The following BRWD1 variants were observed in gnomAD, a reference collection of about 807,000 sequenced individuals.
BRWD1 encodes the protein bromodomain and WD repeat-containing protein 1.
BRWD1 carries 82 observed loss-of-function variants against 251.2 expected under a neutral mutation model. The ratio of observed to expected loss-of-function variants is 0.33; its 90% CI spans 0.27 to 0.39. BRWD1 has a LOEUF of 0.39. BRWD1 is among the 10% of genes least tolerant of loss of function. The probability of loss-of-function intolerance (pLI) is 1.00; values close to 1 mark genes in which losing one functional copy is unlikely to be tolerated. For synonymous variants in BRWD1, 918 were observed against 902.8 expected, an observed-to-expected ratio of 1.02 and a Z score of -0.30; for missense variants, 2,233 against 2,711.6, an observed-to-expected ratio of 0.82 and a Z score of 3.92.
chr21:39,260,366 G>A (rs74622552), intron 17 of BRWD1, among the ~76,000 whole-genome samples: 1 of 152,126 alleles, frequency 6.6e-6, no homozygotes, highest in Admixed American at 6.5e-5. Flanking sequence ...GAACTCCTGA[G>A]CTCAAGCAAT....
intron 17 of BRWD1, among the ~76,000 whole-genome samples, chr21:39,259,689 T>G (rs983032285): frequency 6.6e-6 from 1 of 151,954 alleles, no homozygotes; most frequent in South Asian, 2.1e-4. Flanking sequence ...AAAAAAAAAT[T>G]AGCCGGGCCT....
intron 35 of BRWD1, 29 bp downstream of exon 35, chr21:39,210,757 C>T (rs370192755): frequency 5.7e-6 from 9 of 1,574,814 alleles, no homozygotes; most frequent in East Asian, 2.3e-5. Flanking sequence ...ACAAGAAAAG[C>T]CCCAAACATT....
intron 2 of BRWD1, 52 bp downstream of exon 2, chr21:39,313,189 G>A (rs1280888456): frequency 3.3e-6 from 5 of 1,510,406 alleles, no homozygotes; most frequent in Non-Finnish European, 4.4e-6. Context: ...ACCCCCGGCG[G>A]CGGGGACACT....
At chr21:39,295,599 A>T in intron 7 of BRWD1, 144 bp downstream of exon 7, 1 of 520,004 alleles carries the variant, frequency 1.9e-6, no homozygotes. Flanking sequence ...ACTTATTAAA[A>T]ATACAAATTC....
intron 20 of BRWD1, among the ~76,000 whole-genome samples, chr21:39,248,687 G>T (rs552951175): frequency 1.7e-4 from 25 of 144,396 alleles, no homozygotes; most frequent in Admixed American, 1.6e-3. Flanking sequence ...AAAAACACTG[G>T]GGGGTGGAGG....
chr21:39,257,930 T>G lies in BRWD1; in HGVS notation c.2071+557A>C, dbSNP rs1407525478. Among the ~76,000 whole-genome samples, 3 of 152,292 alleles carry G rather than the reference T, an allele frequency of 2.0e-5. No homozygotes were observed. The East Asian group carries it at 5.8e-4, about 29-fold the overall frequency. ...CTTTCCAAAATAAAAAAACAAAGTC[T>G]TATGCTGTAAGTTTAAGAGAAAAAA... is the stretch of plus-strand genomic sequence containing the variant. On this transcript the variant is annotated intron_variant, in intron 18 of 40. Coordinates refer to ENST00000342449, the MANE Select transcript of BRWD1 (RefSeq NM_033656.4).
At chr21:39,234,755 G>A (rs1398040611) in intron 23 of BRWD1, among the ~76,000 whole-genome samples, 1 of 152,138 alleles carries the variant, frequency 6.6e-6, no homozygotes, top group East Asian at 1.9e-4. Flanking sequence ...ATTTCAGAAG[G>A]TGTTTAAAAT....
chr21:39,276,887 C>T (rs981798353), intron 11 of BRWD1, among the ~76,000 whole-genome samples: 1 of 152,082 alleles, frequency 6.6e-6, no homozygotes, highest in African/African-American at 2.4e-5. Context: ...CAGTGACATA[C>T]CTCCCCTTTA....
intron 4 of BRWD1, among the ~76,000 whole-genome samples, chr21:39,309,894 G>A (rs2036421247): frequency 1.3e-5 from 2 of 151,592 alleles, no homozygotes; most frequent in South Asian, 4.2e-4. Flanking sequence ...TGTGATATTG[G>A]CACTTGATGA....
chr21:39,282,469 A>C (rs1015987186), intron 8 of BRWD1, among the ~76,000 whole-genome samples: 2 of 152,226 alleles, frequency 1.3e-5, no homozygotes, highest in Non-Finnish European at 2.9e-5. Context: ...AAGTAGTATA[A>C]TTAAAGTTAT....
At chr21:39,288,945 T>A (rs1233439677) in intron 8 of BRWD1, among the ~76,000 whole-genome samples, 1 of 152,136 alleles carries the variant, frequency 6.6e-6, no homozygotes, top group East Asian at 1.9e-4. Flanking sequence ...TGTTCAAGGG[T>A]CAACTATACA....
chr21:39,232,507 G>C lies in BRWD1; in HGVS notation c.2767-9C>G. 6.3e-7 allele frequency: 1 copy of C among 1,582,268 alleles called. No individual in the cohort carries two copies. The highest frequency in any genetic ancestry group is 8.5e-7 in the Non-Finnish European group (1 of 1,172,730). On this transcript the variant is annotated splice_polypyrimidine_tract_variant and intron_variant, in intron 23 of 40. Coordinates refer to ENST00000342449, the MANE Select transcript of BRWD1 (RefSeq NM_033656.4). ...GTCATCCTCCGCAAATTCTACCAAG[G>C]GGAAGAGAACAAAGTTTCTTAGATT... is the stretch of plus-strand genomic sequence containing the variant.
At chr21:39,281,199 T>C (rs902928884) in intron 8 of BRWD1, among the ~76,000 whole-genome samples, 7 of 152,164 alleles carry the variant, frequency 4.6e-5, no homozygotes, top group Non-Finnish European at 5.9e-5. Context: ...GTAACTGTAC[T>C]TTTCAAGTAA....
Position 39,238,625 on chromosome 21 carries a change from A to T in BRWD1, c.2482-52T>A, listed in dbSNP as rs1026610494. On this transcript the variant is annotated intron_variant, in intron 21 of 40. Coordinates refer to ENST00000342449, the MANE Select transcript of BRWD1 (RefSeq NM_033656.4). ...CTTGATCCCTGAAGTTAAACAACACATGTCCAGAAAAAAGCTGTACACAAT... is the reference window on the plus strand; with the variant it reads ...CTTGATCCCTGAAGTTAAACAACACTTGTCCAGAAAAAAGCTGTACACAAT... 7.2e-6 allele frequency: 9 copies of T among 1,258,710 alleles called. No individual in the cohort carries two copies. In the African/African-American group the frequency reaches 1.0e-4, roughly 14 times the overall value. 78.0% of individuals were successfully genotyped at this position (1,258,710 alleles called of 1,614,324 possible).
chr21:39,252,680 A>T (rs998237614), intron 19 of BRWD1, among the ~76,000 whole-genome samples: 1 of 152,240 alleles, frequency 6.6e-6, no homozygotes, highest in African/African-American at 2.4e-5. Context: ...TATGGCAGAT[A>T]GCTAGCTGCC....
chr21:39,317,203 A>G (rs1183055319), upstream of BRWD1: 2 of 152,220 alleles, frequency 1.3e-5, no homozygotes, highest in Non-Finnish European at 2.9e-5. Context: ...AGTGGTCTCC[A>G]AACAAGGCAA....
chr21:39,205,026 G>GA (rs1368092252), intron 37 of BRWD1, among the ~76,000 whole-genome samples: 1 of 151,994 alleles, frequency 6.6e-6, no homozygotes, highest in African/African-American at 2.4e-5. Context: ...AATAAGATTT[G>GA]AAAAAATCTA....
At chr21:39,300,118 G>A (rs747076896) in intron 4 of BRWD1, among the ~76,000 whole-genome samples, 11 of 152,256 alleles carry the variant, frequency 7.2e-5, no homozygotes, top group East Asian at 1.9e-4. Flanking sequence ...ACTTGTGGCC[G>A]GCATGACTGA....
rs964585921 is a variant in BRWD1, at chr21:39,188,195, C to T, written c.*8064G>A. ...TAGAACAGAAGTGATATTCCTTTTA[C>T]GTATCTGAAGTTCACGGGCCCTTGA... is the stretch of plus-strand genomic sequence containing the variant. On this transcript the variant is annotated 3_prime_UTR_variant, in exon 41 of 41. Coordinates refer to ENST00000342449, the MANE Select transcript of BRWD1 (RefSeq NM_033656.4). The T allele has an allele frequency of 7.1e-6, 7 of 985,382 alleles. No individual in the cohort carries two copies. The South Asian group carries it at 2.3e-4, about 33-fold the overall frequency. 61.0% of individuals were successfully genotyped at this position (985,382 alleles called of 1,614,324 possible). A position where few individuals can be genotyped will look rare whatever the true frequency, so the allele number is the denominator to read the frequency against.
Sources: allele counts gnomAD v4.1 joint callset (sites outside exome capture counted in the v4.1 genomes callset), GRCh38; gene constraint gnomAD v4.1.1; transcripts MANE v1.5; gene names NCBI Gene and HGNC (gene_info 2026-07-23, HGNC 2026-07-21).